MAP3K4: variants seen among roughly 807,000 people sequenced by gnomAD.
MAP3K4 encodes the protein mitogen-activated protein kinase kinase kinase 4.
A neutral mutation model predicts 185.6 loss-of-function variants in MAP3K4; 67 were observed. The ratio of observed to expected loss-of-function variants is 0.36; its 90% CI spans 0.30 to 0.44. The LOEUF is 0.44. MAP3K4 is among the 20% of genes least tolerant of loss of function. The pLI is 1.00. For synonymous variants in MAP3K4, 702 were observed against 710.4 expected (o/e 0.99, Z 0.19); for missense variants, 1,551 against 1,995.1 (o/e 0.78, Z 4.24).
At chr6:161,000,197 T>C (rs778940517) in intron 1 of MAP3K4, among the ~76,000 whole-genome samples, 4 of 152,216 alleles carry the variant, frequency 2.6e-5, no homozygotes, top group Non-Finnish European at 5.9e-5. Flanking sequence ...ATAATTCTTA[T>C]TCTGTTCTAT....
In MAP3K4 at chr6:161,067,272, C is replaced by A; in HGVS notation, c.1708-3336C>A. 2.3e-6 allele frequency: 1 copy of A among 442,492 alleles called. No individual in the cohort carries two copies. Among genetic ancestry groups the A allele is most frequent in the Non-Finnish European group, 4.5e-6 (1 of 220,160 alleles). 27.4% of individuals were successfully genotyped at this position (442,492 alleles called of 1,614,324 possible). A position where few individuals can be genotyped will look rare whatever the true frequency, so the allele number is the denominator to read the frequency against. On this transcript the variant is annotated intron_variant, in intron 3 of 26. Transcript: ENST00000392142. This position sits in a 1 kb window ranked among gnomAD's most constrained non-coding sequence, Gnocchi z 6.3. ...TCCAGAAAGACAGGACAACTCGAAG[C>A]AGGGATGGGGCTTGCAGGTCACAGG...
In MAP3K4 at chr6:161,110,051, A is replaced by T; in HGVS notation, c.4396+137A>T. The T allele has an allele frequency of 1.1e-6, 1 of 884,962 alleles. No homozygotes were observed. The highest frequency in any genetic ancestry group is 2.6e-5 in the East Asian group (1 of 38,746). 54.8% of individuals were successfully genotyped at this position (884,962 alleles called of 1,614,324 possible). ...ATACCTTTCATTGAAATACGCCTCT[A>T]TAAGGATCCTGTATTCAGAAACAAG... is the stretch of plus-strand genomic sequence containing the variant. On this transcript the variant is annotated intron_variant, in intron 23 of 26. Coordinates refer to ENST00000392142, the MANE Select transcript of MAP3K4 (RefSeq NM_005922.4). The surrounding 1 kb of genome is among the most constrained non-coding windows in gnomAD (Gnocchi z 4.8).
In MAP3K4 at chr6:161,073,424, T is replaced by C; in HGVS notation, c.1951-42T>C. 3 of 1,516,480 alleles carry C rather than the reference T, an allele frequency of 2.0e-6. No individual in the cohort carries two copies. The highest frequency in any genetic ancestry group is 2.7e-6 in the Non-Finnish European group (3 of 1,130,350). 93.9% of individuals were successfully genotyped at this position (1,516,480 alleles called of 1,614,324 possible). A position where few individuals can be genotyped will look rare whatever the true frequency, so the allele number is the denominator to read the frequency against. On this transcript the variant is annotated intron_variant, in intron 4 of 26. Coordinates refer to ENST00000392142, the MANE Select transcript of MAP3K4 (RefSeq NM_005922.4). This position sits in a 1 kb window ranked among gnomAD's most constrained non-coding sequence, Gnocchi z 4.2. ...AGATATAAAACACGGATCGTCTGGT[T>C]GGAGTTTATGGCTGCTGGAACCTGT...
At position 161,087,502 on chromosome 6, in the gene MAP3K4, A is replaced by G. The variant is rs781048692; in HGVS notation, c.2557-186A>G. On this transcript the variant is annotated intron_variant, in intron 9 of 26. Transcript: ENST00000392142. The surrounding 1 kb of genome is among the most constrained non-coding windows in gnomAD (Gnocchi z 4.9). The stretch of plus-strand genomic sequence containing the variant: ...GGCCTCTCCTCCAGTGCGTTCACAG[A>G]CTCTCCTCCTCCTGCCTCCTTCAGT... 6.6e-6 allele frequency among the ~76,000 whole-genome samples: 1 copy of G among 151,298 alleles called. No individual in the cohort carries two copies. Among genetic ancestry groups the G allele is most frequent in the Non-Finnish European group, 1.5e-5 (1 of 67,820 alleles).
chr6:161,005,535 G>C, intron 1 of MAP3K4, among the ~76,000 whole-genome samples: 1 of 152,212 alleles, frequency 6.6e-6, no homozygotes, highest in Middle Eastern at 3.4e-3. Context: ...TTTAGTATCA[G>C]AAGTTTTAAA....
intron 2 of MAP3K4, among the ~76,000 whole-genome samples, chr6:161,046,916 TATA>T (rs1783752042): frequency 6.8e-6 from 1 of 148,048 alleles, no homozygotes; most frequent in South Asian, 2.1e-4. Flanking sequence ...AAGAAAATTA[TATA>T]ATAATTTCTT....
chr6:161,018,459 A>G (rs1016379259), intron 1 of MAP3K4, among the ~76,000 whole-genome samples: 7 of 152,210 alleles, frequency 4.6e-5, no homozygotes, highest in African/African-American at 1.7e-4. Context: ...AAAGACTTGG[A>G]AGGATCACAG....
At chr6:160,994,088 AGTGTAC>A (rs1001390583) in intron 1 of MAP3K4, among the ~76,000 whole-genome samples, 3 of 151,504 alleles carry the variant, frequency 2.0e-5, no homozygotes, top group Non-Finnish European at 2.9e-5. Context: ...AGAGGAGCTC[AGTGTAC>A]GTGTTCAAAA....
At position 161,070,677 on chromosome 6, in the gene MAP3K4, G is replaced by C. The variant is rs773602488; in HGVS notation, c.1777G>C (p.Glu593Gln). Residue 593 changes from glutamate (E) to glutamine (Q), a missense_variant, in exon 4 of 27, where the codon GAG (glutamate) becomes CAG (glutamine). Transcript: ENST00000392142. This position sits in a 1 kb window ranked among gnomAD's most constrained non-coding sequence, Gnocchi z 4.5. The stretch of plus-strand genomic sequence containing the variant: ...GTTGTCAAGGACACCACCTTCATCT[G>C]AGGAGAAATGCAGTGCTGTGTCGTG... ...VQLSRTPPSS[E>Q]EKCSAVSWEE... 3 of 1,614,080 alleles carry C rather than the reference G, an allele frequency of 1.9e-6. No homozygotes were observed. Among genetic ancestry groups the C allele is most frequent in the Non-Finnish European group, 2.5e-6 (3 of 1,179,986 alleles).
rs1784918097 is a variant in MAP3K4 at position 161,071,052 on chromosome 6, T to C, written c.1950+202T>C. ...CGGTCCTCAAAGGTAAGATTGTGGT[T>C]CATCCTTTCTGTCATCCACTTCCTT... On this transcript the variant is annotated intron_variant, in intron 4 of 26. Transcript: ENST00000392142. This position sits in a 1 kb window ranked among gnomAD's most constrained non-coding sequence, Gnocchi z 4.6. 6.6e-6 allele frequency among the ~76,000 whole-genome samples: 1 copy of C among 152,230 alleles called. No homozygotes were observed. Among genetic ancestry groups the C allele is most frequent in the Non-Finnish European group, 1.5e-5 (1 of 68,032 alleles).
chr6:161,071,984 G>A lies in MAP3K4; in HGVS notation c.1950+1134G>A, dbSNP rs143631681. Among the ~76,000 whole-genome samples the A allele has an allele frequency of 4.5e-4, 68 of 152,286 alleles. 1 individual carries two copies. In the East Asian group the frequency reaches 0.013, roughly 29 times the overall value. On this transcript the variant is annotated intron_variant, in intron 4 of 26. Transcript: ENST00000392142. The surrounding 1 kb of genome is among the most constrained non-coding windows in gnomAD (Gnocchi z 4.6). The stretch of plus-strand genomic sequence containing the variant: ...ATGGGGCTATTGTGAGGACTAAATA[G>A]TAATGTATGTTGTAATACTTTGAAA...
At chr6:161,072,604 G>A (rs962495060) in intron 4 of MAP3K4, among the ~76,000 whole-genome samples, 1 of 152,064 alleles carries the variant, frequency 6.6e-6, no homozygotes, top group Non-Finnish European at 1.5e-5. Context: ...ATTATTTCTC[G>A]AGTGTAAAAC....
chr6:161,024,823 T>C (rs1782564936), intron 1 of MAP3K4, among the ~76,000 whole-genome samples: 2 of 152,214 alleles, frequency 1.3e-5, no homozygotes, highest in African/African-American at 2.4e-5. Context: ...GTCACCAGAG[T>C]GTAGCCCACG....
chr6:161,057,901 T>G (rs73784731), intron 3 of MAP3K4, among the ~76,000 whole-genome samples: 3,362 of 152,328 alleles, frequency 0.022, 109 homozygotes, highest in African/African-American at 0.073. Context: ...GTGTACATTA[T>G]TTTGGACTAT....
intron 1 of MAP3K4, among the ~76,000 whole-genome samples, chr6:161,026,297 A>ATT (rs58126149): frequency 5.1e-4 from 76 of 148,676 alleles, no homozygotes; most frequent in South Asian, 4.5e-3. Flanking sequence ...CGCGCAGCTA[A>ATT]TTTTTTTTTT....
At chr6:161,065,676 C>T (rs182657480) in intron 3 of MAP3K4, among the ~76,000 whole-genome samples, 71 of 152,258 alleles carry the variant, frequency 4.7e-4, no homozygotes, top group African/African-American at 1.7e-3. Flanking sequence ...CGGTGGCTTA[C>T]GCCTGTAATC....
At position 161,054,793 on chromosome 6, in the gene MAP3K4, C is replaced by G. The variant is rs1583173202; in HGVS notation, c.1707+4814C>G. Among the ~76,000 whole-genome samples, 1 of 152,276 alleles carries G rather than the reference C, an allele frequency of 6.6e-6. No homozygotes were observed. The highest frequency in any genetic ancestry group is 3.4e-3 in the Middle Eastern group (1 of 294). On this transcript the variant is annotated intron_variant, in intron 3 of 26. Transcript: ENST00000392142. The surrounding 1 kb of genome is among the most constrained non-coding windows in gnomAD (Gnocchi z 4.2). ...GAGAGTCTCAGATTATCAAATGAAA[C>G]TTATTTAAATCCATGTAACTGAACT...
At chr6:161,105,831 G>GT (rs953417215) in intron 19 of MAP3K4, among the ~76,000 whole-genome samples, 9 of 93,384 alleles carry the variant, frequency 9.6e-5, no homozygotes, top group African/African-American at 3.3e-4. Context: ...AAGTTTTTTG[G>GT]TTTTTTGTTT....
Position 161,084,247 on chromosome 6 carries a change from A to G in MAP3K4, c.2256-254A>G, listed in dbSNP as rs1020865164. 3.3e-5 allele frequency among the ~76,000 whole-genome samples: 5 copies of G among 152,238 alleles called. No individual in the cohort carries two copies. In the Middle Eastern group the frequency reaches 0.013, roughly 385 times the overall value. On this transcript the variant is annotated intron_variant, in intron 6 of 26. Coordinates refer to ENST00000392142, the MANE Select transcript of MAP3K4 (RefSeq NM_005922.4). This position sits in a 1 kb window ranked among gnomAD's most constrained non-coding sequence, Gnocchi z 4.6. ...ACATTTGTGTACTAATTCCATAGCT[A>G]CTATGAATACAGTTTAAGATTTTAA...
Sources: gnomAD v4.1 joint callset for allele counts (sites outside exome capture counted in the v4.1 genomes callset) on GRCh38, gnomAD v4.1.1 for gene constraint, Gnocchi (gnomAD v3.1) non-coding constraint, MANE v1.5 for transcripts, NCBI Gene and HGNC (gene_info 2026-07-23, HGNC 2026-07-21) for gene names.